Variants in DUOXA1 observed in about 807,000 individuals in gnomAD.
DUOXA1 encodes dual oxidase maturation factor 1, also known as dual oxidase activator 1.
Under a neutral mutation model 26.6 loss-of-function variants are expected in DUOXA1, and 19 were observed. The ratio of observed to expected loss-of-function variants is 0.71; its 90% CI spans 0.50 to 1.05. The LOEUF is 1.05. Among genes scored for constraint, DUOXA1 ranks in the 50% least tolerant of loss-of-function variants. DUOXA1 has a pLI of 0.00. For synonymous variants in DUOXA1, 166 were observed against 177.0 expected (o/e 0.94, Z 0.49); for missense variants, 403 against 427.5 (o/e 0.94, Z 0.51).
chr15:45,128,543 AG>A (rs1895876737), intron 3 of DUOXA1, among the ~76,000 whole-genome samples: 1 of 152,226 alleles, frequency 6.6e-6, no homozygotes, highest in Non-Finnish European at 1.5e-5. Context: ...CTCCTGTGCT[AG>A]ACTTTCCTCT....
Position 45,122,954 on chromosome 15 carries a change from C to G in DUOXA1, c.61G>C (p.Asp21His). The G allele has an allele frequency of 6.2e-7, 1 of 1,613,414 alleles. No homozygotes were observed. The highest frequency in any genetic ancestry group is 8.5e-7 in the Non-Finnish European group (1 of 1,179,682). Residue 21 changes from aspartate to histidine, a missense_variant, in exon 4 of 9, where the codon GAC (aspartate) becomes CAC (histidine). Physicochemically the swap from Asp to His is moderately conservative, Grantham distance 81. Coordinates refer to ENST00000560572, the MANE Select transcript of DUOXA1 (RefSeq NM_001276266.2). ...ATGATGATGCTGGCCAAAGTGGTGTCCATCGGGAAGGTTGGCTTGGGGCCA... is the reference window on the plus strand; with the variant it reads ...ATGATGATGCTGGCCAAAGTGGTGTGCATCGGGAAGGTTGGCTTGGGGCCA... ...YAGPKPTFPM[D>H]TTLASIIMIF...
chr15:45,121,631 C>T (rs1016826531), intron 5 of DUOXA1, among the ~76,000 whole-genome samples: 6 of 152,242 alleles, frequency 3.9e-5, no homozygotes, highest in African/African-American at 1.2e-4. Context: ...TCTCCTGCCT[C>T]GGCCTCCCGA....
intron 3 of DUOXA1, among the ~76,000 whole-genome samples, chr15:45,127,917 C>T (rs528141752): frequency 1.4e-4 from 22 of 152,256 alleles, no homozygotes; most frequent in South Asian, 4.2e-4. Context: ...GAGACACAGA[C>T]GCAAGAACCA....
At position 45,118,228 on chromosome 15, in the gene DUOXA1, T is replaced by C; in HGVS notation, c.*878A>G. 1 of 1,411,172 alleles carries C rather than the reference T, an allele frequency of 7.1e-7. No homozygotes were observed. The highest frequency in any genetic ancestry group is 9.2e-7 in the Non-Finnish European group (1 of 1,089,412). 87.4% of individuals were successfully genotyped at this position (1,411,172 alleles called of 1,614,324 possible). ...GTGCTGTGAAACCTGATTCTCTGCG[T>C]CGACTCCAGAGTAATAGGGGCGCCC... On this transcript the variant is annotated 3_prime_UTR_variant, in exon 9 of 9. Transcript: ENST00000560572.
At chr15:45,122,055 G>T in intron 5 of DUOXA1, 130 bp downstream of exon 5, 1 of 916,132 alleles carries the variant, frequency 1.1e-6, no homozygotes, top group South Asian at 1.4e-5. Flanking sequence ...AGAAGCATAT[G>T]GGCAGGGTCT....
At chr15:45,119,915 GA>G (rs900542560) in intron 8 of DUOXA1, among the ~76,000 whole-genome samples, 187 bp downstream of exon 8, 32 of 152,000 alleles carry the variant, frequency 2.1e-4, no homozygotes, top group Non-Finnish European at 3.1e-4. Context: ...CATCTCTGAG[GA>G]GGGGGGGGAA....
chr15:45,119,894 A>C (rs1039462303), intron 8 of DUOXA1, among the ~76,000 whole-genome samples: 1 of 151,574 alleles, frequency 6.6e-6, no homozygotes, highest in African/African-American at 2.4e-5. Flanking sequence ...GAGAAGATAC[A>C]AGGGAGTGGG....
chr15:45,122,161 A>G (rs761066638), intron 5 of DUOXA1, 24 bp downstream of exon 5: 1 of 1,585,046 alleles, frequency 6.3e-7, no homozygotes. Context: ...GCAGCAGCCC[A>G]AGTCAGCTGC....
In DUOXA1 at chr15:45,119,314, T is replaced by C; in HGVS notation, c.824A>G (p.Gln275Arg). The change falls in exon 9 of 9, where the codon CAG becomes CGG. Residue 275 changes from glutamine (Q) to arginine (R), a missense_variant. Physicochemically the swap from Gln to Arg is conservative, Grantham distance 43. Coordinates refer to ENST00000560572, the MANE Select transcript of DUOXA1 (RefSeq NM_001276266.2). ...GLAMAVAHRMQPHRLKAFFNQ... is the reference protein window; with the variant it reads ...GLAMAVAHRMRPHRLKAFFNQ... ...GAAGAAAGCCTTCAGCCTGTGAGGC[T>C]GCATCCTGTGGGCCACCGCCATAGC... 6.2e-7 allele frequency: 1 copy of C among 1,613,828 alleles called. No homozygotes were observed. Among genetic ancestry groups the C allele is most frequent in the Non-Finnish European group, 8.5e-7 (1 of 1,179,896 alleles).
In DUOXA1 at chr15:45,118,982, G is replaced by A. The variant is rs3803330; in HGVS notation, c.*124C>T. ...ATATAGAGCCTCCTTTTTCTACTCC[G>A]TCTGTAGATTGGTGCTGGGTGTCTG... On this transcript the variant is annotated 3_prime_UTR_variant, in exon 9 of 9. Coordinates refer to ENST00000560572, the MANE Select transcript of DUOXA1 (RefSeq NM_001276266.2). The A allele has an allele frequency of 3.8e-4, 553 of 1,449,390 alleles. 5 individuals carry two copies. In the East Asian group the frequency reaches 0.011, roughly 29 times the overall value. 89.8% of individuals were successfully genotyped at this position (1,449,390 alleles called of 1,614,324 possible). A position where few individuals can be genotyped will look rare whatever the true frequency, so the allele number is the denominator to read the frequency against.
At chr15:45,122,728 G>A (rs1353766662) in intron 4 of DUOXA1, 140 bp downstream of exon 4, 2 of 1,049,388 alleles carry the variant, frequency 1.9e-6, no homozygotes, top group East Asian at 2.7e-5. Flanking sequence ...TGAATGGGGA[G>A]CTTTCTGCCT....
Position 45,118,794 on chromosome 15 carries a change from T to A in DUOXA1, c.*312A>T. ...TTATGGGGGTGAAGTTAGGTTTCAG[T>A]GAATAGCATCTTGAAGAGGCAAGGC... On this transcript the variant is annotated 3_prime_UTR_variant, in exon 9 of 9. Coordinates refer to ENST00000560572, the MANE Select transcript of DUOXA1 (RefSeq NM_001276266.2). 9.3e-7 allele frequency: 1 copy of A among 1,079,892 alleles called. No homozygotes were observed. The highest frequency in any genetic ancestry group is 6.0e-5 in the East Asian group (1 of 16,718). The allele number at this position is 1,079,892 out of a possible 1,614,324, so 66.9% of individuals were successfully genotyped here. A position where few individuals can be genotyped will look rare whatever the true frequency, so the allele number is the denominator to read the frequency against.
In DUOXA1 at chr15:45,118,328, G is replaced by A. The variant is rs1894826021; in HGVS notation, c.*778C>T. ...CCCCAGGGGGACGTTAGGTGGCAGT[G>A]ATGAGGCAGGTCACCCACTCCCCCG... On this transcript the variant is annotated 3_prime_UTR_variant, in exon 9 of 9. Coordinates refer to ENST00000560572, the MANE Select transcript of DUOXA1 (RefSeq NM_001276266.2). 6 of 1,210,070 alleles carry A rather than the reference G, an allele frequency of 5.0e-6. No homozygotes were observed. Among genetic ancestry groups the A allele is most frequent in the Non-Finnish European group, 3.1e-6 (3 of 971,410 alleles). 75.0% of individuals were successfully genotyped at this position (1,210,070 alleles called of 1,614,324 possible).
intron 3 of DUOXA1, among the ~76,000 whole-genome samples, chr15:45,127,474 A>G (rs1404653624): frequency 6.6e-6 from 1 of 152,248 alleles, no homozygotes; most frequent in Non-Finnish European, 1.5e-5. Context: ...CAGAAGCAAA[A>G]AAACAGTTGG....
chr15:45,117,922 C>A lies in DUOXA1; in HGVS notation c.*1184G>T. The A allele has an allele frequency of 1.2e-6, 2 of 1,613,308 alleles. No homozygotes were observed. Among genetic ancestry groups the A allele is most frequent in the South Asian group, 2.2e-5 (2 of 91,086 alleles). The stretch of plus-strand genomic sequence containing the variant: ...CACTAACCTGTGAGGGGGACCCAAT[C>A]TGGACTCCTTCCCCGCCTTGGGACA... On this transcript the variant is annotated 3_prime_UTR_variant, in exon 9 of 9. Transcript: ENST00000560572.
rs1277036191 is a variant in DUOXA1 at position 45,122,390 on chromosome 15, T to C, written c.148-148A>G. The C allele has an allele frequency of 8.2e-6, 6 of 730,138 alleles. No homozygotes were observed. The Admixed American group carries it at 1.1e-4, about 13-fold the overall frequency. 45.2% of individuals were successfully genotyped at this position (730,138 alleles called of 1,614,324 possible). On this transcript the variant is annotated intron_variant, in intron 4 of 8. Coordinates refer to ENST00000560572, the MANE Select transcript of DUOXA1 (RefSeq NM_001276266.2). ...AGAGTGTCTGGCACATAATAAGTGC[T>C]TATGTATTTATGTATGCATTTATTT... is the stretch of plus-strand genomic sequence containing the variant.
chr15:45,119,001 G>C lies in DUOXA1; in HGVS notation c.*105C>G, dbSNP rs921659832. On this transcript the variant is annotated 3_prime_UTR_variant, in exon 9 of 9. Transcript: ENST00000560572. Reference sequence around the variant, plus strand: ...TACTCCGTCTGTAGATTGGTGCTGGGTGTCTGGTAACAGCCACCCTGAGGG... The same window carrying C: ...TACTCCGTCTGTAGATTGGTGCTGGCTGTCTGGTAACAGCCACCCTGAGGG... 2.8e-5 allele frequency: 41 copies of C among 1,481,158 alleles called. No individual in the cohort carries two copies. The African/African-American group carries it at 5.8e-4, about 21-fold the overall frequency. The allele number at this position is 1,481,158 out of a possible 1,614,324, so 91.8% of individuals were successfully genotyped here.
intron 3 of DUOXA1, among the ~76,000 whole-genome samples, chr15:45,126,829 G>A (rs1013365078): frequency 9.2e-5 from 14 of 152,114 alleles, no homozygotes; most frequent in Non-Finnish European, 4.4e-5. Flanking sequence ...CTAAGGACTG[G>A]GCACAAAGGG....
At chr15:45,122,059 A>G in intron 5 of DUOXA1, 126 bp downstream of exon 5, 1 of 960,990 alleles carries the variant, frequency 1.0e-6, no homozygotes, top group Non-Finnish European at 1.6e-6. Flanking sequence ...GCATATGGGC[A>G]GGGTCTGGAA....
Sources: gnomAD v4.1 joint callset for allele counts (sites outside exome capture counted in the v4.1 genomes callset) on GRCh38, gnomAD v4.1.1 for gene constraint, MANE v1.5 for transcripts, NCBI Gene and HGNC (gene_info 2026-07-23, HGNC 2026-07-21) for gene names.